The following INPP5D variants were observed in gnomAD, a reference collection of about 807,000 sequenced individuals.
The protein encoded by INPP5D is inositol polyphosphate-5-phosphatase D.
In INPP5D, 33 loss-of-function variants were observed where a neutral mutation model predicts 122.9. The observed-to-expected ratio is 0.27, with a 90% CI of 0.20 to 0.36. The LOEUF is 0.36. Ranked by LOEUF, INPP5D falls within the 10% of genes least tolerant of loss-of-function variation. The probability of loss-of-function intolerance (pLI) is 1.00; values close to 1 mark genes in which losing one functional copy is unlikely to be tolerated. For synonymous variants in INPP5D, 584 were observed against 576.2 expected (o/e 1.01, Z -0.19); for missense variants, 1,053 against 1,412.7 (o/e 0.75, Z 4.08).
rs527719438 is a variant in INPP5D, at chr2:233,189,759, C to G, written c.2359-91C>G. ...GATTTAGATCTGATTACTAAGAACA[C>G]CTTTCGTCATCTTCATCCACTTGTC... is the stretch of plus-strand genomic sequence containing the variant. On this transcript the variant is annotated intron_variant, in intron 21 of 26. Transcript: ENST00000445964. This position sits in a 1 kb window ranked among gnomAD's most constrained non-coding sequence, Gnocchi z 5.6. 191 of 1,545,006 alleles carry G rather than the reference C, an allele frequency of 1.2e-4. No homozygotes were observed. Among genetic ancestry groups the G allele is most frequent in the Non-Finnish European group, 1.6e-4 (187 of 1,145,598 alleles).
Position 233,171,112 on chromosome 2 carries a change from C to T in INPP5D, c.1949C>T (p.Thr650Ile), listed in dbSNP as rs1423086498. The change falls in exon 17 of 27, where the codon ACT becomes ATT. Residue 650 changes from threonine (T) to isoleucine (I), a missense_variant. Coordinates refer to ENST00000445964, the MANE Select transcript of INPP5D (RefSeq NM_001017915.3). ...FAPTYRFERL[T>I]RDKYAYTKQK... ...CCAACCTACCGTTTTGAGAGACTGA[C>T]TCGGGACAAATACGCCTACACCAAG... 1.9e-6 allele frequency: 3 copies of T among 1,613,694 alleles called. No individual in the cohort carries two copies. Among genetic ancestry groups the T allele is most frequent in the African/African-American group, 1.3e-5 (1 of 74,872 alleles).
chr2:233,090,176 G>A (rs1691954496), intron 2 of INPP5D, among the ~76,000 whole-genome samples: 1 of 152,220 alleles, frequency 6.6e-6, no homozygotes, highest in Admixed American at 6.5e-5. Flanking sequence ...CTTGAGAAGA[G>A]GCTTCTATTG....
intron 2 of INPP5D, among the ~76,000 whole-genome samples, chr2:233,113,391 A>G (rs1032177561): frequency 2.0e-5 from 3 of 152,344 alleles, no homozygotes; most frequent in Non-Finnish European, 2.9e-5. Context: ...ATGTTTTTAA[A>G]AAAAGAGAAG....
At position 233,117,771 on chromosome 2, in the gene INPP5D, C is replaced by G. The variant is rs565210928; in HGVS notation, c.199-4336C>G. Among the ~76,000 whole-genome samples the G allele has an allele frequency of 2.6e-5, 4 of 152,326 alleles. No individual in the cohort carries two copies. In the East Asian group the frequency reaches 7.7e-4, roughly 29 times the overall value. On this transcript the variant is annotated intron_variant, in intron 2 of 26. Transcript: ENST00000445964. Reference sequence around the variant, plus strand: ...ACATGACACCTTGTTCACATTTTGCCTTTTACAGTTGCTGAAAAGGCACCA... The same window carrying G: ...ACATGACACCTTGTTCACATTTTGCGTTTTACAGTTGCTGAAAAGGCACCA...
chr2:233,168,022 A>AAAAG (rs1559330694), intron 13 of INPP5D, among the ~76,000 whole-genome samples: 2 of 112,712 alleles, frequency 1.8e-5, no homozygotes, highest in African/African-American at 2.8e-5. Flanking sequence ...AAAAAAAAAA[A>AAAAG]AAAGAAAGAA....
intron 2 of INPP5D, among the ~76,000 whole-genome samples, chr2:233,101,664 AT>A (rs1692316604): frequency 7.5e-6 from 1 of 133,288 alleles, no homozygotes. Flanking sequence ...TATAATAGAT[AT>A]TATATATTAC....
intron 4 of INPP5D, among the ~76,000 whole-genome samples, chr2:233,129,965 G>A (rs372366112): frequency 2.6e-5 from 4 of 151,804 alleles, no homozygotes; most frequent in South Asian, 4.2e-4. Context: ...GCAATGGCAC[G>A]ATCTGTTTTC....
intron 2 of INPP5D, among the ~76,000 whole-genome samples, chr2:233,093,750 T>C (rs1174995862): frequency 6.6e-6 from 1 of 151,680 alleles, no homozygotes; most frequent in Non-Finnish European, 1.5e-5. Flanking sequence ...TTAGAGATGG[T>C]AGAGATGGAC....
intron 2 of INPP5D, among the ~76,000 whole-genome samples, chr2:233,091,742 G>A (rs564936270): frequency 6.6e-6 from 1 of 152,320 alleles, no homozygotes; most frequent in Admixed American, 6.5e-5. Flanking sequence ...AGGTTCCAGG[G>A]ATAAGGAGGG....
At chr2:233,163,027 T>G (rs1167380528) in intron 11 of INPP5D, among the ~76,000 whole-genome samples, 1 of 152,142 alleles carries the variant, frequency 6.6e-6, no homozygotes, top group African/African-American at 2.4e-5. Context: ...GCACCCACTT[T>G]GAGCCTCTTG....
intron 1 of INPP5D, among the ~76,000 whole-genome samples, chr2:233,071,243 T>G (rs1298613448): frequency 6.6e-6 from 1 of 151,992 alleles, no homozygotes; most frequent in Admixed American, 6.6e-5. Context: ...GAGCCAAGAT[T>G]GTGCCTCTCT....
intron 9 of INPP5D, among the ~76,000 whole-genome samples, chr2:233,151,407 C>T (rs1028730763): frequency 3.3e-5 from 5 of 152,104 alleles, no homozygotes; most frequent in Admixed American, 6.5e-5. Flanking sequence ...GCCCACTCTC[C>T]GGGAATGTGC....
rs763545370 is a variant in INPP5D at position 233,137,886 on chromosome 2, A to ATGTG, written c.666-1955_666-1954insGTGT. On this transcript the variant is annotated intron_variant, in intron 5 of 26. Coordinates refer to ENST00000445964, the MANE Select transcript of INPP5D (RefSeq NM_001017915.3). ...TATATATATATATATATATATATATATATATATATATACACACACACACAC... is the reference window on the plus strand; with the variant it reads ...TATATATATATATATATATATATATATGTGTATATATATATACACACACACACAC... Among the ~76,000 whole-genome samples, 11 of 52,078 alleles carry ATGTG rather than the reference A, an allele frequency of 2.1e-4. 2 individuals are homozygous for ATGTG. The highest frequency in any genetic ancestry group is 5.0e-4 in the Non-Finnish European group (9 of 17,910). The allele number at this position is 52,078 out of a possible 152,430, so 34.2% of individuals were successfully genotyped here.
intron 2 of INPP5D, among the ~76,000 whole-genome samples, chr2:233,085,916 C>T (rs1460583489): frequency 1.3e-5 from 2 of 152,190 alleles, no homozygotes; most frequent in African/African-American, 4.8e-5. Context: ...CCTTCTGGTT[C>T]ACCTTGCCCC....
In INPP5D at chr2:233,078,578, C is replaced by G. The variant is rs1023255207; in HGVS notation, c.135-757C>G. On this transcript the variant is annotated intron_variant, in intron 1 of 26. Coordinates refer to ENST00000445964, the MANE Select transcript of INPP5D (RefSeq NM_001017915.3). This position sits in a 1 kb window ranked among gnomAD's most constrained non-coding sequence, Gnocchi z 4.6. Reference sequence around the variant, plus strand: ...GATCCCTGCCCCTGACAGGTGGCCCCTCTGTGGCTGGGCCTGGCTTTCCAT... The same window carrying G: ...GATCCCTGCCCCTGACAGGTGGCCCGTCTGTGGCTGGGCCTGGCTTTCCAT... Among the ~76,000 whole-genome samples the G allele has an allele frequency of 6.6e-6, 1 of 152,208 alleles. No individual in the cohort carries two copies. The highest frequency in any genetic ancestry group is 1.5e-5 in the Non-Finnish European group (1 of 68,036).
intron 1 of INPP5D, among the ~76,000 whole-genome samples, chr2:233,071,379 C>T (rs1173778226): frequency 6.6e-6 from 1 of 151,930 alleles, no homozygotes; most frequent in Admixed American, 6.6e-5. Context: ...TTCCTTTACC[C>T]TTTGGGGTTC....
chr2:233,132,451 T>G (rs1377488206), intron 5 of INPP5D, among the ~76,000 whole-genome samples: 1 of 152,192 alleles, frequency 6.6e-6, no homozygotes, highest in East Asian at 1.9e-4. Context: ...GGAGAGAGCT[T>G]CCTTCAGCTT....
At chr2:233,131,060 G>A (rs1693311536) in intron 5 of INPP5D, 5 of 422,432 alleles carry the variant, frequency 1.2e-5, no homozygotes, top group South Asian at 1.0e-4. Flanking sequence ...TATTTTCTGC[G>A]TGGGTGGTTA....
intron 4 of INPP5D, 23 bp downstream of exon 4, chr2:233,125,942 C>G: frequency 6.2e-7 from 1 of 1,606,794 alleles, no homozygotes; most frequent in South Asian, 1.1e-5. Flanking sequence ...TCAAGTCCAG[C>G]TGGGCCTTCA....
Sources: gnomAD v4.1 joint callset for allele counts (sites outside exome capture counted in the v4.1 genomes callset) on GRCh38, gnomAD v4.1.1 for gene constraint, Gnocchi (gnomAD v3.1) non-coding constraint, MANE v1.5 for transcripts, NCBI Gene and HGNC (gene_info 2026-07-23, HGNC 2026-07-21) for gene names.